PATJ: variants seen among roughly 807,000 people sequenced by gnomAD.
The protein encoded by PATJ is PATJ crumbs cell polarity complex component.
PATJ carries 190 observed loss-of-function variants against 224.9 expected under a neutral mutation model. The observed-to-expected ratio is 0.84, with a 90% CI of 0.75 to 0.95. The LOEUF is 0.95. PATJ is among the 40% of genes least tolerant of loss of function. PATJ has a pLI of 0.00. For synonymous variants in PATJ, 769 were observed against 820.3 expected (o/e 0.94, Z 1.07); for missense variants, 2,121 against 2,270.3 (o/e 0.93, Z 1.34).
At position 61,881,772 on chromosome 1, in the gene PATJ, T is replaced by G. The variant is rs1355752371; in HGVS notation, c.2960-2465T>G. On this transcript the variant is annotated intron_variant, in intron 21 of 43. Transcript: ENST00000642238. ...AGCACAATTATTTTAGGCCTCCCAT[T>G]TATATAATTTGAATAAATGGCATTC... Among the ~76,000 whole-genome samples, 5 of 152,244 alleles carry G rather than the reference T, an allele frequency of 3.3e-5. No homozygotes were observed. In the East Asian group the frequency reaches 5.8e-4, roughly 18 times the overall value.
At chr1:61,993,737 A>G (rs1183563540) in intron 28 of PATJ, among the ~76,000 whole-genome samples, 1 of 152,226 alleles carries the variant, frequency 6.6e-6, no homozygotes, top group Non-Finnish European at 1.5e-5. Flanking sequence ...AACTGCAAGC[A>G]GAGAACAAAT....
chr1:61,924,398 G>C (rs529114419), intron 26 of PATJ, among the ~76,000 whole-genome samples: 1 of 152,156 alleles, frequency 6.6e-6, no homozygotes, highest in East Asian at 1.9e-4. Flanking sequence ...AGTATTAACT[G>C]TGGGTTCCTA....
intron 28 of PATJ, among the ~76,000 whole-genome samples, chr1:62,015,212 G>A (rs1646703247): frequency 6.6e-6 from 1 of 151,948 alleles, no homozygotes; most frequent in African/African-American, 2.4e-5. Context: ...GCTGAGGCGG[G>A]AGAATTGCTT....
chr1:62,054,986 C>A (rs1456069747), intron 31 of PATJ, among the ~76,000 whole-genome samples: 1 of 151,588 alleles, frequency 6.6e-6, no homozygotes, highest in Non-Finnish European at 1.5e-5. Context: ...ATCTGGGAGG[C>A]GGAGGTTGCA....
chr1:61,754,518 A>ATTTTTTTTTTTTTTTTTTTTTTT (rs1557582039), intron 1 of PATJ, among the ~76,000 whole-genome samples: 1 of 108,416 alleles, frequency 9.2e-6, no homozygotes, highest in Non-Finnish European at 1.8e-5. Flanking sequence ...AATTTTTTGC[A>ATTTTTTTTTTTTTTTTTTTTTTT]TGTTTTTTTT....
At chr1:62,106,760 C>A (rs1417681566) in intron 33 of PATJ, among the ~76,000 whole-genome samples, 2 of 152,206 alleles carry the variant, frequency 1.3e-5, no homozygotes, top group East Asian at 3.9e-4. Context: ...CAAGCCTATT[C>A]TTGGCCAAGC....
At chr1:61,782,157 G>A (rs1647485006) in intron 7 of PATJ, among the ~76,000 whole-genome samples, 1 of 152,230 alleles carries the variant, frequency 6.6e-6, no homozygotes, top group East Asian at 1.9e-4. Flanking sequence ...TAAGCTCCCA[G>A]GTGTTAGCCA....
At chr1:61,958,443 A>G (rs1392272800) in intron 27 of PATJ, among the ~76,000 whole-genome samples, 5 of 152,194 alleles carry the variant, frequency 3.3e-5, no homozygotes, top group Non-Finnish European at 7.3e-5. Context: ...TCATTATATT[A>G]TATTATTCCC....
At position 62,158,535 on chromosome 1, in the gene PATJ, C is replaced by T. The variant is rs192637503; in HGVS notation, c.5503-2373C>T. On this transcript the variant is annotated intron_variant, in intron 43 of 43. Coordinates refer to ENST00000642238, the MANE Select transcript of PATJ (RefSeq NM_001350145.3). ...GAGATTGAGACCATCCTGGCTAACA[C>T]GGTAAAAAACTCCGTCTCTACTAAA... Among the ~76,000 whole-genome samples, 65 of 148,414 alleles carry T rather than the reference C, an allele frequency of 4.4e-4. 4 individuals carry two copies. The highest frequency in any genetic ancestry group is 3.2e-3 in the South Asian group (14 of 4,426).
intron 27 of PATJ, among the ~76,000 whole-genome samples, chr1:61,970,978 C>T (rs114094828): frequency 0.013 from 1,961 of 152,246 alleles, 31 homozygotes; most frequent in South Asian, 0.058. Context: ...GCTTAATTAA[C>T]GAAAGCTTCA....
intron 28 of PATJ, 40 bp downstream of exon 28, chr1:61,990,404 G>T (rs371110116): frequency 6.1e-6 from 9 of 1,486,644 alleles, no homozygotes; most frequent in South Asian, 1.2e-5. Context: ...TTGGTGAAGT[G>T]GATGGGTGCA....
chr1:61,818,695 G>A (rs1656659313), intron 14 of PATJ, among the ~76,000 whole-genome samples: 1 of 152,198 alleles, frequency 6.6e-6, no homozygotes, highest in African/African-American at 2.4e-5. Flanking sequence ...TGAAGATAGA[G>A]CATGTTTTGT....
chr1:62,005,077 T>TC, intron 28 of PATJ, among the ~76,000 whole-genome samples: 1 of 152,294 alleles, frequency 6.6e-6, no homozygotes. Flanking sequence ...ACGTAGTTTT[T>TC]TTCACTTTTT....
chr1:62,084,313 G>A (rs889485702), intron 32 of PATJ, among the ~76,000 whole-genome samples: 3 of 152,092 alleles, frequency 2.0e-5, no homozygotes, highest in African/African-American at 7.2e-5. Flanking sequence ...TGGGTTGAGG[G>A]GTGGGAGTTA....
chr1:61,747,755 T>C (rs1457248194), intron 1 of PATJ, among the ~76,000 whole-genome samples: 2 of 152,204 alleles, frequency 1.3e-5, no homozygotes, highest in South Asian at 4.1e-4. Flanking sequence ...GGGATCTTTC[T>C]GGAAAGGCAT....
At chr1:61,930,382 C>G (rs191993519) in intron 27 of PATJ, among the ~76,000 whole-genome samples, 1 of 152,328 alleles carries the variant, frequency 6.6e-6, no homozygotes, top group Non-Finnish European at 1.5e-5. Context: ...TCTGTCTAAA[C>G]TAAAAGTATT....
chr1:62,028,670 T>C (rs61775653), intron 29 of PATJ, among the ~76,000 whole-genome samples: 20,263 of 152,044 alleles, frequency 0.13, 1,566 homozygotes, highest in Middle Eastern at 0.26. Context: ...GTGGTCCCAG[T>C]TTCTTGGGAA....
chr1:62,099,068 T>C (rs1418438978), intron 33 of PATJ, among the ~76,000 whole-genome samples: 2 of 152,060 alleles, frequency 1.3e-5, no homozygotes, highest in Non-Finnish European at 2.9e-5. Flanking sequence ...TCAGTGTAGA[T>C]TTGGATGTAG....
chr1:62,129,899 A>G (rs1315702715), intron 41 of PATJ, among the ~76,000 whole-genome samples: 2 of 152,162 alleles, frequency 1.3e-5, no homozygotes, highest in African/African-American at 4.8e-5. Context: ...AGATTGCTCC[A>G]CTGTACTCCA....
Sources: allele counts gnomAD v4.1 joint callset (sites outside exome capture counted in the v4.1 genomes callset), GRCh38; gene constraint gnomAD v4.1.1; transcripts MANE v1.5; gene names NCBI Gene and HGNC (gene_info 2026-07-23, HGNC 2026-07-21).